Variants in LAMA2 observed in about 807,000 individuals in gnomAD.
The protein encoded by LAMA2 is laminin subunit alpha 2.
LAMA2 carries 269 observed loss-of-function variants against 364.8 expected under a neutral mutation model. The observed-to-expected ratio is 0.74, with a 90% CI of 0.67 to 0.82. LAMA2 has a LOEUF of 0.82. Among genes scored for constraint, LAMA2 ranks in the 40% least tolerant of loss-of-function variants. The pLI, the probability that LAMA2 is intolerant of heterozygous loss-of-function variation, is 0.00. For synonymous variants in LAMA2, 1,379 were observed against 1,370.6 expected (o/e 1.01, Z -0.14); for missense variants, 3,807 against 3,873.2 (o/e 0.98, Z 0.45).
chr6:129,487,127 A>C (rs1246580731), intron 56 of LAMA2, among the ~76,000 whole-genome samples: 1 of 152,110 alleles, frequency 6.6e-6, no homozygotes, highest in Non-Finnish European at 1.5e-5. Flanking sequence ...CCCCTTCCCA[A>C]GGTTTGCAGG....
At chr6:129,494,375 TG>T (rs1785043393) in intron 58 of LAMA2, among the ~76,000 whole-genome samples, 1 of 152,222 alleles carries the variant, frequency 6.6e-6, no homozygotes, top group South Asian at 2.1e-4. Context: ...TTTCATCCTT[TG>T]TAAAATAGAG....
intron 1 of LAMA2, among the ~76,000 whole-genome samples, chr6:128,971,590 G>A (rs1447102609): frequency 6.6e-6 from 1 of 152,196 alleles, no homozygotes; most frequent in African/African-American, 2.4e-5. Context: ...AGAGTGTCTA[G>A]AAGCAGAGCC....
rs1278208683 is a variant in LAMA2 at position 129,200,182 on chromosome 6, A to ACG, written c.1782+7329_1782+7330insCG. On this transcript the variant is annotated intron_variant, in intron 12 of 64. Coordinates refer to ENST00000421865, the MANE Select transcript of LAMA2 (RefSeq NM_000426.4). ...TATATATATACGTGTACACATATAC[A>ACG]TGTGTATATATACATGTACACATAT... 5.2e-4 allele frequency among the ~76,000 whole-genome samples: 77 copies of ACG among 147,926 alleles called. 2 individuals carry two copies. Among genetic ancestry groups the ACG allele is most frequent in the East Asian group, 3.0e-3 (15 of 4,930 alleles).
At chr6:129,082,187 A>C (rs1285084164) in intron 3 of LAMA2, among the ~76,000 whole-genome samples, 5 of 152,094 alleles carry the variant, frequency 3.3e-5, no homozygotes, top group Admixed American at 3.3e-4. Context: ...CCAGTACCTA[A>C]GTGGATACTG....
At chr6:129,142,621 A>G (rs1381209248) in intron 4 of LAMA2, among the ~76,000 whole-genome samples, 1 of 152,030 alleles carries the variant, frequency 6.6e-6, no homozygotes, top group Non-Finnish European at 1.5e-5. Context: ...AATAATTCCT[A>G]GAAGTGGAAT....
intron 3 of LAMA2, among the ~76,000 whole-genome samples, chr6:129,064,942 C>A (rs1257150396): frequency 6.6e-6 from 1 of 152,058 alleles, no homozygotes; most frequent in Non-Finnish European, 1.5e-5. Context: ...ATACCAAAGC[C>A]AAAGACACTG....
At chr6:128,990,185 A>G (rs1269498597) in intron 1 of LAMA2, among the ~76,000 whole-genome samples, 1 of 152,190 alleles carries the variant, frequency 6.6e-6, no homozygotes, top group African/African-American at 2.4e-5. Flanking sequence ...TGTATACACT[A>G]TTTGTTTAGC....
intron 1 of LAMA2, among the ~76,000 whole-genome samples, chr6:129,047,658 G>T (rs11154461): frequency 0.27 from 41,074 of 151,964 alleles, 5,818 homozygotes; most frequent in African/African-American, 0.34. Flanking sequence ...GTTGTCACTT[G>T]ATCTTTTGAA....
intron 1 of LAMA2, among the ~76,000 whole-genome samples, chr6:128,941,873 A>G (rs139120330): frequency 9.9e-5 from 15 of 152,116 alleles, no homozygotes; most frequent in African/African-American, 3.6e-4. Context: ...TCAATAATAG[A>G]CCTCCATCAC....
At chr6:129,334,304 GC>G (rs1465346804) in intron 29 of LAMA2, among the ~76,000 whole-genome samples, 3 of 152,160 alleles carry the variant, frequency 2.0e-5, no homozygotes, top group African/African-American at 7.2e-5. Flanking sequence ...GGTAGTGTGA[GC>G]CTACTCAATT....
intron 1 of LAMA2, among the ~76,000 whole-genome samples, chr6:128,962,980 A>G (rs1215855836): frequency 6.6e-6 from 1 of 152,176 alleles, no homozygotes; most frequent in African/African-American, 2.4e-5. Context: ...CTGATGAGAG[A>G]TAAAGATAAT....
At chr6:129,033,732 AAGAC>A (rs1318973957) in intron 1 of LAMA2, among the ~76,000 whole-genome samples, 1 of 152,114 alleles carries the variant, frequency 6.6e-6, no homozygotes. Flanking sequence ...TTTTGGAAGA[AAGAC>A]AGAAGAGAGC....
In LAMA2 at chr6:129,050,000, G is replaced by C; in HGVS notation, c.195G>C (p.Met65Ile). 1 of 1,614,060 alleles carries C rather than the reference G, an allele frequency of 6.2e-7. No homozygotes were observed. Among genetic ancestry groups the C allele is most frequent in the South Asian group, 1.1e-5 (1 of 91,078 alleles). Residue 65 changes from methionine (M) to isoleucine (I), a missense_variant, in exon 2 of 65, where the codon ATG (methionine) becomes ATC (isoleucine). Around this residue, in one of 3 missense-constraint regions of LAMA2, gnomAD observed 394 missense variants for 403.5 expected, o/e 0.98. Coordinates refer to ENST00000421865, the MANE Select transcript of LAMA2 (RefSeq NM_000426.4). ...CATGTGGAGAAAAAGGACCTGAAAT[G>C]TACTGCAAATTGGTAGAACATGTCC... ...NATCGEKGPEMYCKLVEHVPG... is the reference protein window; with the variant it reads ...NATCGEKGPEIYCKLVEHVPG...
chr6:129,348,266 C>T (rs1021868013), intron 30 of LAMA2, among the ~76,000 whole-genome samples: 3 of 152,162 alleles, frequency 2.0e-5, no homozygotes, highest in East Asian at 1.9e-4. Context: ...ATTGATGTAA[C>T]GCATTAGAAG....
In LAMA2 at chr6:129,423,031, A is replaced by G. The variant is rs563816423; in HGVS notation, c.5866-4721A>G. Among the ~76,000 whole-genome samples the G allele has an allele frequency of 2.0e-5, 3 of 152,220 alleles. No homozygotes were observed. In the South Asian group the frequency reaches 6.2e-4, roughly 32 times the overall value. ...TAATGCCAGGATGTAAGATTGGTTT[A>G]ATATTTGAAATTAGTCAGTGTAATT... On this transcript the variant is annotated intron_variant, in intron 40 of 64. Coordinates refer to ENST00000421865, the MANE Select transcript of LAMA2 (RefSeq NM_000426.4).
At chr6:129,061,757 C>T (rs919592714) in intron 3 of LAMA2, among the ~76,000 whole-genome samples, 1 of 152,130 alleles carries the variant, frequency 6.6e-6, no homozygotes, top group Non-Finnish European at 1.5e-5. Flanking sequence ...AACAAAGTGC[C>T]AGAATTCTGT....
intron 40 of LAMA2, among the ~76,000 whole-genome samples, chr6:129,416,478 T>A (rs1284795440): frequency 6.6e-6 from 1 of 152,198 alleles, no homozygotes; most frequent in Non-Finnish European, 1.5e-5. Flanking sequence ...GGGAGTTATG[T>A]AACCACTGGG....
intron 12 of LAMA2, among the ~76,000 whole-genome samples, chr6:129,196,256 C>G (rs1459595544): frequency 6.6e-6 from 1 of 152,132 alleles, no homozygotes; most frequent in East Asian, 1.9e-4. Context: ...CTCTGGTAAA[C>G]TCTTTTGTTT....
intron 4 of LAMA2, among the ~76,000 whole-genome samples, chr6:129,133,585 C>T (rs1777613091): frequency 6.6e-6 from 1 of 152,124 alleles, no homozygotes; most frequent in Admixed American, 6.6e-5. Context: ...AGTTTGCATA[C>T]ACACAATGTT....
Sources: allele counts gnomAD v4.1 joint callset (sites outside exome capture counted in the v4.1 genomes callset), GRCh38; gene constraint gnomAD v4.1.1; regional missense constraint gnomAD v4.1.1; transcripts MANE v1.5; gene names NCBI Gene and HGNC (gene_info 2026-07-23, HGNC 2026-07-21).